Variants in RBMS3 observed in about 807,000 individuals in gnomAD.
The protein encoded by RBMS3 is RNA binding motif single stranded interacting protein 3.
In RBMS3, 27 loss-of-function variants were observed where a neutral mutation model predicts 66.8. The ratio of observed to expected loss-of-function variants is 0.40; its 90% CI spans 0.30 to 0.56. The LOEUF is 0.56. Among genes scored for constraint, RBMS3 ranks in the 20% least tolerant of loss-of-function variants. RBMS3 has a pLI of 0.40. For missense variants in RBMS3, 513 were observed against 549.5 expected (o/e 0.93, Z 0.66); for synonymous variants, 188 against 183.0 (o/e 1.03, Z -0.22).
At chr3:29,765,366 T>C (rs1292687783) in intron 6 of RBMS3, among the ~76,000 whole-genome samples, 2 of 151,982 alleles carry the variant, frequency 1.3e-5, no homozygotes, top group African/African-American at 2.4e-5. Context: ...AGGATATCAC[T>C]ATGAGCTATG....
intron 4 of RBMS3, among the ~76,000 whole-genome samples, chr3:29,609,409 G>C (rs572876043): frequency 6.6e-6 from 1 of 152,070 alleles, no homozygotes; most frequent in Admixed American, 6.6e-5. Flanking sequence ...GTTTTAACTG[G>C]ATTGTACAGT....
rs2036552814 is a variant in RBMS3 at position 29,346,059 on chromosome 3, G to A, written c.75+64303G>A. ...TCTATTATCCCAGCCCCTTTTGCCA[G>A]GTGGCTGACTGGGCATAGGCGTGCA... On this transcript the variant is annotated intron_variant, in intron 1 of 14. Transcript: ENST00000383767. 2.6e-5 allele frequency among the ~76,000 whole-genome samples: 4 copies of A among 152,186 alleles called. No individual in the cohort carries two copies. In the South Asian group the frequency reaches 8.3e-4, roughly 31 times the overall value.
chr3:29,602,450 A>G (rs1285046760), intron 4 of RBMS3, among the ~76,000 whole-genome samples: 1 of 151,998 alleles, frequency 6.6e-6, no homozygotes, highest in African/African-American at 2.4e-5. Context: ...TGTTTAACTG[A>G]TGGCTGGAGT....
At chr3:29,292,509 C>T (rs754040870) in intron 1 of RBMS3, among the ~76,000 whole-genome samples, 4 of 151,796 alleles carry the variant, frequency 2.6e-5, no homozygotes, top group African/African-American at 9.7e-5. Context: ...CGCAAGTTAG[C>T]TATCTACTCT....
intron 10 of RBMS3, among the ~76,000 whole-genome samples, chr3:29,926,206 T>C (rs2060933110): frequency 6.6e-6 from 1 of 152,180 alleles, no homozygotes; most frequent in Admixed American, 6.5e-5. Flanking sequence ...GCAATAATAA[T>C]ACTAATAGAA....
chr3:29,685,178 C>T (rs2051670743), intron 4 of RBMS3, among the ~76,000 whole-genome samples: 3 of 152,108 alleles, frequency 2.0e-5, no homozygotes, highest in African/African-American at 4.8e-5. Context: ...CCTGCCTCAG[C>T]CTCCCGAGTA....
rs1699774384 is a variant in RBMS3 at position 30,005,193 on chromosome 3, G to A, written c.*1331G>A. The A allele has an allele frequency of 1.3e-5, 1 of 76,562 alleles. No individual in the cohort carries two copies. Among genetic ancestry groups the A allele is most frequent in the Admixed American group, 1.6e-4 (1 of 6,412 alleles). 4.7% of individuals were successfully genotyped at this position (76,562 alleles called of 1,614,324 possible). On this transcript the variant is annotated 3_prime_UTR_variant, in exon 15 of 15. Coordinates refer to ENST00000383767, the MANE Select transcript of RBMS3 (RefSeq NM_001003793.3). ...CTACCTTCCACTGGTGTTTTACATA[G>A]TGCAAAAAAAAAAAGAGGGTGGGGG...
At chr3:29,919,356 C>A (rs769033740) in intron 10 of RBMS3, among the ~76,000 whole-genome samples, 5 of 151,994 alleles carry the variant, frequency 3.3e-5, no homozygotes, top group Non-Finnish European at 5.9e-5. Context: ...AATGAAGAGC[C>A]AGAAAAAGAA....
intron 2 of RBMS3, among the ~76,000 whole-genome samples, chr3:29,469,089 G>A (rs529055788): frequency 2.0e-5 from 3 of 152,182 alleles, no homozygotes; most frequent in Non-Finnish European, 4.4e-5. Context: ...CAGCATTCTC[G>A]TAAATAGCAG....
intron 12 of RBMS3, among the ~76,000 whole-genome samples, chr3:29,972,187 T>C (rs570790326): frequency 6.6e-6 from 1 of 151,018 alleles, no homozygotes; most frequent in African/African-American, 2.4e-5. Flanking sequence ...TCCTTTCTAT[T>C]TTTTTTTTGC....
At chr3:29,294,025 T>G (rs114031221) in intron 1 of RBMS3, among the ~76,000 whole-genome samples, 7,264 of 151,892 alleles carry the variant, frequency 0.048, 224 homozygotes, top group South Asian at 0.076. Context: ...CAGATCATAT[T>G]TGTGTCAGAG....
In RBMS3 at chr3:29,824,307, G is replaced by A. The variant is rs530745186; in HGVS notation, c.638-44551G>A. Among the ~76,000 whole-genome samples, 379 of 152,194 alleles carry A rather than the reference G, an allele frequency of 2.5e-3. 3 individuals are homozygous for A. The highest frequency in any genetic ancestry group is 0.021 in the South Asian group (99 of 4,822). The stretch of plus-strand genomic sequence containing the variant: ...CCATGTGATGACCCTGTGAGATGGT[G>A]CCATCTGTGAGAAAGTGGGCCTCAT... On this transcript the variant is annotated intron_variant, in intron 6 of 14. Coordinates refer to ENST00000383767, the MANE Select transcript of RBMS3 (RefSeq NM_001003793.3).
chr3:29,619,097 A>G (rs2048773280), intron 4 of RBMS3, among the ~76,000 whole-genome samples: 2 of 152,102 alleles, frequency 1.3e-5, no homozygotes, highest in African/African-American at 4.8e-5. Flanking sequence ...CGGTTTCACA[A>G]TGAGAACACA....
intron 1 of RBMS3, among the ~76,000 whole-genome samples, chr3:29,378,051 A>G (rs2038568233): frequency 6.6e-6 from 1 of 152,164 alleles, no homozygotes; most frequent in African/African-American, 2.4e-5. Flanking sequence ...GCAAAAAGTT[A>G]AGAGAAAACT....
chr3:29,332,641 A>G (rs2125517767), intron 1 of RBMS3, among the ~76,000 whole-genome samples: 1 of 152,290 alleles, frequency 6.6e-6, no homozygotes, highest in East Asian at 1.9e-4. Context: ...AATACTCGAA[A>G]CATCCAGTTA....
intron 1 of RBMS3, among the ~76,000 whole-genome samples, chr3:29,330,143 C>T (rs970921112): frequency 6.6e-6 from 1 of 151,996 alleles, no homozygotes; most frequent in African/African-American, 2.4e-5. Flanking sequence ...TTGGACAAAA[C>T]AGATCTAACA....
chr3:29,499,779 G>A (rs2043895531), intron 3 of RBMS3, among the ~76,000 whole-genome samples: 1 of 152,222 alleles, frequency 6.6e-6, no homozygotes, highest in East Asian at 1.9e-4. Flanking sequence ...ATAAACAATA[G>A]GAAGCTTAAG....
At chr3:29,421,732 A>G (rs2125702809) in intron 1 of RBMS3, among the ~76,000 whole-genome samples, 1 of 152,312 alleles carries the variant, frequency 6.6e-6, no homozygotes, top group East Asian at 1.9e-4. Context: ...TACTATTAGT[A>G]GCTCCTCTCA....
chr3:29,332,612 G>A (rs551822937), intron 1 of RBMS3, among the ~76,000 whole-genome samples: 2 of 152,264 alleles, frequency 1.3e-5, no homozygotes, highest in African/African-American at 4.8e-5. Flanking sequence ...GCCTCCTTCA[G>A]TTCTGAAGTT....
Sources: allele counts gnomAD v4.1 joint callset (sites outside exome capture counted in the v4.1 genomes callset), GRCh38; gene constraint gnomAD v4.1.1; transcripts MANE v1.5; gene names NCBI Gene and HGNC (gene_info 2026-07-23, HGNC 2026-07-21).